EPHA5: variants seen among roughly 807,000 people sequenced by gnomAD.
EPHA5 encodes ephrin type-A receptor 5.
Under a neutral mutation model 105.0 loss-of-function variants are expected in EPHA5, and 60 were observed. That is an observed-to-expected ratio of 0.57 (90% CI 0.46 to 0.71). The LOEUF (loss-of-function observed/expected upper bound fraction) is 0.71. Ranked by LOEUF, EPHA5 falls within the 30% of genes least tolerant of loss-of-function variation. The pLI is 0.00. For missense variants in EPHA5, 1,218 were observed against 1,274.7 expected, an observed-to-expected ratio of 0.96 and a Z score of 0.68; for synonymous variants, 513 against 449.1, an observed-to-expected ratio of 1.14 and a Z score of -1.80.
chr4:65,470,223 C>T (rs1179726299), intron 5 of EPHA5, among the ~76,000 whole-genome samples: 1 of 149,554 alleles, frequency 6.7e-6, no homozygotes, highest in African/African-American at 2.5e-5. Context: ...GACAGAGTCT[C>T]GCTCTGTCAC....
At chr4:65,470,047 T>C (rs1000257357) in intron 5 of EPHA5, among the ~76,000 whole-genome samples, 1 of 152,166 alleles carries the variant, frequency 6.6e-6, no homozygotes, top group African/African-American at 2.4e-5. Context: ...ATTAATGTGA[T>C]ACCCTAACAA....
intron 3 of EPHA5, among the ~76,000 whole-genome samples, chr4:65,510,293 C>A (rs759939784): frequency 2.0e-5 from 3 of 151,914 alleles, no homozygotes; most frequent in Non-Finnish European, 4.4e-5. Context: ...GATCAGCCCA[C>A]CTCGGCCTCC....
chr4:65,651,984 C>A (rs771430645), intron 1 of EPHA5, among the ~76,000 whole-genome samples: 1 of 152,082 alleles, frequency 6.6e-6, no homozygotes, highest in Non-Finnish European at 1.5e-5. Flanking sequence ...ATGAAAAGAG[C>A]AACACCATAT....
intron 3 of EPHA5, among the ~76,000 whole-genome samples, chr4:65,580,486 G>C (rs1379111096): frequency 6.6e-6 from 1 of 151,768 alleles, no homozygotes; most frequent in East Asian, 1.9e-4. Context: ...ACTATGTCCA[G>C]AAAACCCATT....
At chr4:65,404,718 C>T (rs1034644982) in intron 7 of EPHA5, among the ~76,000 whole-genome samples, 3 of 152,034 alleles carry the variant, frequency 2.0e-5, no homozygotes, top group Middle Eastern at 3.2e-3. Flanking sequence ...ATTTCCTTGT[C>T]ATAATAAAAA....
intron 3 of EPHA5, among the ~76,000 whole-genome samples, chr4:65,512,302 G>GA (rs1221418143): frequency 1.3e-5 from 2 of 151,938 alleles, no homozygotes; most frequent in Non-Finnish European, 2.9e-5. Flanking sequence ...TGAGAGTACA[G>GA]AAAAAATAAA....
At chr4:65,531,961 C>T (rs925939832) in intron 3 of EPHA5, among the ~76,000 whole-genome samples, 18 of 152,220 alleles carry the variant, frequency 1.2e-4, no homozygotes, top group East Asian at 5.8e-4. Context: ...CATGTGTATA[C>T]GAGGCTTAAT....
chr4:65,640,098 T>A (rs1747503892), intron 2 of EPHA5, among the ~76,000 whole-genome samples: 1 of 152,082 alleles, frequency 6.6e-6, no homozygotes, highest in Admixed American at 6.6e-5. Flanking sequence ...TTTCTCATAG[T>A]TTTTTGTTAT....
intron 8 of EPHA5, among the ~76,000 whole-genome samples, chr4:65,394,356 G>A (rs1721007187): frequency 6.6e-6 from 1 of 152,170 alleles, no homozygotes; most frequent in Non-Finnish European, 1.5e-5. Context: ...ATATCCTAAA[G>A]AGCAAAGGCC....
At chr4:65,598,300 A>G (rs936306933) in intron 3 of EPHA5, among the ~76,000 whole-genome samples, 2 of 152,170 alleles carry the variant, frequency 1.3e-5, no homozygotes, top group African/African-American at 4.8e-5. Context: ...AGAAATGATT[A>G]AGTTAAAAGA....
rs1721148660 is a variant in EPHA5, at chr4:65,336,061, T to C, written c.2660A>G (p.Tyr887Cys). 6.2e-7 allele frequency: 1 copy of C among 1,613,296 alleles called. No individual in the cohort carries two copies. The change falls in exon 15 of 17, where the codon TAT becomes TGT. Residue 887 changes from tyrosine to cysteine, a missense_variant. By Grantham distance (194) the Tyr-to-Cys change is radical (BLOSUM62 -2). Transcript: ENST00000613740. ...PSPMDCPAAL[Y>C]QLMLDCWQKE... ...CTGCCAGCAATCCAGCATTAACTGA[T>C]AGAGAGCAGCAGGACAATCCATGGG...
chr4:65,327,598 T>A (rs1443194174), intron 16 of EPHA5, among the ~76,000 whole-genome samples: 3 of 151,310 alleles, frequency 2.0e-5, no homozygotes, highest in African/African-American at 7.3e-5. Flanking sequence ...AGGATAACTA[T>A]AATAATGCAT....
chr4:65,605,203 T>C (rs1744107528), intron 2 of EPHA5, among the ~76,000 whole-genome samples: 1 of 152,144 alleles, frequency 6.6e-6, no homozygotes, highest in South Asian at 2.1e-4. Context: ...AAATTCCAGG[T>C]CAGTTGCGTT....
chr4:65,580,671 A>G (rs1360068238), intron 3 of EPHA5, among the ~76,000 whole-genome samples: 1 of 151,862 alleles, frequency 6.6e-6, no homozygotes, highest in Admixed American at 6.6e-5. Context: ...TTAGGACTTA[A>G]ATTTACAAAG....
intron 10 of EPHA5, among the ~76,000 whole-genome samples, chr4:65,365,507 A>C (rs1055842029): frequency 1.3e-5 from 2 of 150,756 alleles, no homozygotes; most frequent in Non-Finnish European, 3.0e-5. Context: ...ACTAATGAAA[A>C]ATCACTTTTT....
At chr4:65,418,164 G>A (rs544508876) in intron 6 of EPHA5, among the ~76,000 whole-genome samples, 1 of 151,912 alleles carries the variant, frequency 6.6e-6, no homozygotes, top group African/African-American at 2.4e-5. Context: ...AACTTTAATC[G>A]CAATGAAAAT....
intron 5 of EPHA5, among the ~76,000 whole-genome samples, chr4:65,459,945 T>G (rs1039077357): frequency 6.6e-6 from 1 of 151,670 alleles, no homozygotes; most frequent in South Asian, 2.1e-4. Flanking sequence ...AGGAGAAAAA[T>G]GTGTACTAGT....
intron 13 of EPHA5, among the ~76,000 whole-genome samples, chr4:65,350,613 A>T (rs1722724432): frequency 6.6e-6 from 1 of 152,134 alleles, no homozygotes; most frequent in Non-Finnish European, 1.5e-5. Context: ...ATCATAAGGA[A>T]TTCAAACTCA....
intron 2 of EPHA5, among the ~76,000 whole-genome samples, chr4:65,619,167 T>C (rs1745497453): frequency 1.3e-5 from 2 of 151,892 alleles, no homozygotes; most frequent in Non-Finnish European, 1.5e-5. Flanking sequence ...AATAAACAAA[T>C]TACATTTACA....
Sources: gnomAD v4.1 joint callset for allele counts (sites outside exome capture counted in the v4.1 genomes callset) on GRCh38, gnomAD v4.1.1 for gene constraint, MANE v1.5 for transcripts, NCBI Gene and HGNC (gene_info 2026-07-23, HGNC 2026-07-21) for gene names.